Variants in TAAR1 observed in about 807,000 individuals in gnomAD.
TAAR1 encodes trace amine-associated receptor 1.
In TAAR1, 1 loss-of-function variant was observed where a neutral mutation model predicts 1.2. The observed-to-expected ratio is 0.81, with a 90% CI of 0.29 to 3.86. The LOEUF is 3.86. TAAR1 is among the 30% of genes most tolerant of loss of function. The probability of loss-of-function intolerance (pLI) is 0.18; values close to 1 mark genes in which losing one functional copy is unlikely to be tolerated. For synonymous variants in TAAR1, 153 were observed against 132.2 expected, an observed-to-expected ratio of 1.16 and a Z score of -1.08; for missense variants, 445 against 405.6, an observed-to-expected ratio of 1.10 and a Z score of -0.83.
At chr6:132,647,692 G>A (rs62427290) in intron 1 of TAAR1, among the ~76,000 whole-genome samples, 1 of 145,262 alleles carries the variant, frequency 6.9e-6, no homozygotes, top group African/African-American at 2.5e-5. Context: ...AGAAAGAAAG[G>A]AAGGAAGGAA....
At chr6:132,653,779 A>T (rs1208358267) in intron 1 of TAAR1, among the ~76,000 whole-genome samples, 1 of 152,188 alleles carries the variant, frequency 6.6e-6, no homozygotes, top group Non-Finnish European at 1.5e-5. Flanking sequence ...GGCTAACGTT[A>T]TATAAAAGTT....
At chr6:132,649,446 G>T (rs747756905) in intron 1 of TAAR1, among the ~76,000 whole-genome samples, 1 of 151,962 alleles carries the variant, frequency 6.6e-6, no homozygotes, top group Non-Finnish European at 1.5e-5. Flanking sequence ...CTAACCCCTT[G>T]CAAGCTTTGA....
chr6:132,647,623 G>GGAAAGAA (rs1554208956), intron 1 of TAAR1, among the ~76,000 whole-genome samples: 1 of 103,070 alleles, frequency 9.7e-6, no homozygotes, highest in African/African-American at 5.2e-5. Flanking sequence ...GAAAGAAAAA[G>GGAAAGAA]GAAAGAAAGA....
At chr6:132,651,497 G>A (rs1057307491) in intron 1 of TAAR1, among the ~76,000 whole-genome samples, 17 of 152,064 alleles carry the variant, frequency 1.1e-4, no homozygotes, top group Admixed American at 1.3e-4. Flanking sequence ...ATTCTTGAAC[G>A]TCCTCCATCC....
chr6:132,653,653 C>T (rs1777771421), intron 1 of TAAR1, among the ~76,000 whole-genome samples: 1 of 152,172 alleles, frequency 6.6e-6, no homozygotes, highest in Non-Finnish European at 1.5e-5. Context: ...GTCTAAAATA[C>T]ATGATACCCT....
chr6:132,652,215 C>A (rs576612241), intron 1 of TAAR1, among the ~76,000 whole-genome samples: 1 of 151,498 alleles, frequency 6.6e-6, no homozygotes, highest in African/African-American at 2.4e-5. Flanking sequence ...ATACTTTTGG[C>A]CTTCAGGTGA....
At chr6:132,650,993 T>C (rs1053232587) in intron 1 of TAAR1, among the ~76,000 whole-genome samples, 2 of 151,052 alleles carry the variant, frequency 1.3e-5, no homozygotes, top group Admixed American at 1.3e-4. Flanking sequence ...CTCTTAAAAT[T>C]CACTGTAATG....
chr6:132,645,634 C>G lies in TAAR1; in HGVS notation c.370G>C (p.Ala124Pro). The G allele has an allele frequency of 6.2e-7, 1 of 1,613,556 alleles. No individual in the cohort carries two copies. The highest frequency in any genetic ancestry group is 8.5e-7 in the Non-Finnish European group (1 of 1,179,776). The change falls in exon 2 of 2, where the codon GCT becomes CCT. Residue 124 changes from alanine (A) to proline (P), a missense_variant. By Grantham distance (27) the Ala-to-Pro change is conservative. Coordinates refer to ENST00000275216, the MANE Select transcript of TAAR1 (RefSeq NM_138327.4). Reference sequence around the variant, plus strand: ...TTATATCTCAGTGGATCACACACAGCATAGTAGCGGTCAATGGAGATGAAA... The same window carrying G: ...TTATATCTCAGTGGATCACACACAGGATAGTAGCGGTCAATGGAGATGAAA... ...LSFISIDRYY[A>P]VCDPLRYKAK...
Position 132,644,283 on chromosome 6 carries a change from A to T in TAAR1, c.*701T>A, listed in dbSNP as rs1233835165. Among the ~76,000 whole-genome samples the T allele has an allele frequency of 6.6e-6, 1 of 152,004 alleles. No individual in the cohort carries two copies. The highest frequency in any genetic ancestry group is 2.4e-5 in the African/African-American group (1 of 41,426). Reference sequence around the variant, plus strand: ...GCCCCGACTCCAAAATAAAAGTTGAAAAAGAGAAATATTAATATAAAATAA... The same window carrying T: ...GCCCCGACTCCAAAATAAAAGTTGATAAAGAGAAATATTAATATAAAATAA... On this transcript the variant is annotated 3_prime_UTR_variant, in exon 2 of 2. Coordinates refer to ENST00000275216, the MANE Select transcript of TAAR1 (RefSeq NM_138327.4).
At chr6:132,647,628 GAAAGAAA>G (rs1777694825) in intron 1 of TAAR1, among the ~76,000 whole-genome samples, 1 of 52,478 alleles carries the variant, frequency 1.9e-5, no homozygotes, top group Non-Finnish European at 3.5e-5. Context: ...AAAAAGGAAA[GAAAGAAA>G]GAAAGAAAGA....
rs1174956997 is a variant in TAAR1, at chr6:132,645,589, C to T, written c.415G>A (p.Val139Ile). The stretch of plus-strand genomic sequence containing the variant: ...CTAATGAAGATCATCACACAAATAA[C>T]CAAGATATTCATCTTGGCTTTATAT... ...LRYKAKMNIL[V>I]ICVMIFISWS... The change falls in exon 2 of 2, where the codon GTT (valine) becomes ATT (isoleucine). Residue 139 changes from valine (V) to isoleucine (I), a missense_variant. Physicochemically the swap from Val to Ile is conservative, Grantham distance 29 (BLOSUM62 3). Transcript: ENST00000275216. The T allele has an allele frequency of 6.2e-7, 1 of 1,613,606 alleles. No homozygotes were observed. The highest frequency in any genetic ancestry group is 8.5e-7 in the Non-Finnish European group (1 of 1,179,834).
chr6:132,654,875 AT>A (rs1777786248), intron 1 of TAAR1, among the ~76,000 whole-genome samples: 1 of 152,238 alleles, frequency 6.6e-6, no homozygotes, highest in Non-Finnish European at 1.5e-5. Context: ...TAAAATGGAA[AT>A]ATAGTTGATG....
rs1293776130 is a variant in TAAR1, at chr6:132,645,389, A to C, written c.615T>G (p.Ile205Met). Residue 205 changes from isoleucine to methionine, a missense_variant, in exon 2 of 2, where the codon ATT becomes ATG. Coordinates refer to ENST00000275216, the MANE Select transcript of TAAR1 (RefSeq NM_138327.4). ...FMTSFYIPGS[I>M]MLCVYYRIYL... ...ATATTCTGTAATAGACACATAACATAATAGATCCAGGTATATAAAAAGAAG... is the reference window on the plus strand; with the variant it reads ...ATATTCTGTAATAGACACATAACATCATAGATCCAGGTATATAAAAAGAAG... 1.9e-6 allele frequency: 3 copies of C among 1,613,654 alleles called. No homozygotes were observed. Among genetic ancestry groups the C allele is most frequent in the Non-Finnish European group, 1.7e-6 (2 of 1,179,788 alleles).
rs1345824828 is a variant in TAAR1, at chr6:132,645,382, A to G, written c.622T>C (p.Cys208Arg). 7 of 1,613,464 alleles carry G rather than the reference A, an allele frequency of 4.3e-6. No individual in the cohort carries two copies. Among genetic ancestry groups the G allele is most frequent in the Non-Finnish European group, 4.2e-6 (5 of 1,179,784 alleles). Residue 208 changes from cysteine (C) to arginine (R), a missense_variant, in exon 2 of 2, where the codon TGT becomes CGT. Physicochemically the swap from Cys to Arg is radical, Grantham distance 180. Coordinates refer to ENST00000275216, the MANE Select transcript of TAAR1 (RefSeq NM_138327.4). Reference protein sequence around the residue: ...SFYIPGSIMLCVYYRIYLIAK... With the variant: ...SFYIPGSIMLRVYYRIYLIAK... ...ATAAGATATATTCTGTAATAGACAC[A>G]TAACATAATAGATCCAGGTATATAA...
At position 132,643,434 on chromosome 6, in the gene TAAR1, ACTT is replaced by A. The variant is rs990238610; in HGVS notation, c.*1547_*1549del. ...GAAACTGAGAGTGATTAGGGACACT[ACTT>A]ATTTAGTCTTGTGTGTACTAAATTA... On this transcript the variant is annotated 3_prime_UTR_variant, in exon 2 of 2. Coordinates refer to ENST00000275216, the MANE Select transcript of TAAR1 (RefSeq NM_138327.4). 6.6e-6 allele frequency among the ~76,000 whole-genome samples: 1 copy of A among 151,988 alleles called. No homozygotes were observed. Among genetic ancestry groups the A allele is most frequent in the African/African-American group, 2.4e-5 (1 of 41,416 alleles).
chr6:132,651,660 T>C (rs1777750333), intron 1 of TAAR1, among the ~76,000 whole-genome samples: 1 of 152,066 alleles, frequency 6.6e-6, no homozygotes, highest in Non-Finnish European at 1.5e-5. Context: ...CCACCAACAA[T>C]CTCCAGATTA....
intron 1 of TAAR1, among the ~76,000 whole-genome samples, chr6:132,646,886 T>C (rs949648067): frequency 6.6e-6 from 1 of 152,198 alleles, no homozygotes; most frequent in African/African-American, 2.4e-5. Context: ...AGTCTTTCTC[T>C]CTATTGCAGA....
At chr6:132,652,470 C>A (rs1327597883) in intron 1 of TAAR1, among the ~76,000 whole-genome samples, 1 of 151,078 alleles carries the variant, frequency 6.6e-6, no homozygotes, top group East Asian at 1.9e-4. Flanking sequence ...CCATGCCTGG[C>A]TAATTTTTGT....
Position 132,658,211 on chromosome 6 carries a change from A to G in TAAR1, c.-127+919T>C, listed in dbSNP as rs374725020. ...AAAATACTTATTTCTAAAGGGGGAAAGAGACCAGGGTGAGGGGAAACAGCA... is the reference window on the plus strand; with the variant it reads ...AAAATACTTATTTCTAAAGGGGGAAGGAGACCAGGGTGAGGGGAAACAGCA... On this transcript the variant is annotated intron_variant, in intron 1 of 1. Coordinates refer to ENST00000275216, the MANE Select transcript of TAAR1 (RefSeq NM_138327.4). Among the ~76,000 whole-genome samples, 21 of 152,268 alleles carry G rather than the reference A, an allele frequency of 1.4e-4. No homozygotes were observed. The South Asian group carries it at 2.1e-3, about 15-fold the overall frequency.
Sources: gnomAD v4.1 joint callset for allele counts (sites outside exome capture counted in the v4.1 genomes callset) on GRCh38, gnomAD v4.1.1 for gene constraint, MANE v1.5 for transcripts, NCBI Gene and HGNC (gene_info 2026-07-23, HGNC 2026-07-21) for gene names.